Variants in SGO1 observed in about 807,000 individuals in gnomAD.
The protein encoded by SGO1 is serologically defined breast cancer antigen NY-BR-85.
In SGO1, 39 loss-of-function variants were observed where a neutral mutation model predicts 50.5. The ratio of observed to expected loss-of-function variants is 0.77; its 90% CI spans 0.60 to 1.01. The LOEUF (loss-of-function observed/expected upper bound fraction) is 1.01, where lower values mean the gene tolerates loss of function less well. Ranked by LOEUF, SGO1 falls within the 50% of genes least tolerant of loss-of-function variation. The pLI is 0.00. For missense variants in SGO1, 638 were observed against 606.0 expected (o/e 1.05, Z -0.55); for synonymous variants, 191 against 205.1 (o/e 0.93, Z 0.59).
downstream of SGO1, among the ~76,000 whole-genome samples, chr3:20,167,465 A>C (rs1002592449): frequency 1.3e-5 from 2 of 152,186 alleles, no homozygotes; most frequent in African/African-American, 2.4e-5. Flanking sequence ...AATAGTGTGT[A>C]GACTATATAA....
chr3:20,166,413 T>C (rs76315194), downstream of SGO1, among the ~76,000 whole-genome samples: 6,053 of 152,214 alleles, frequency 0.04, 203 homozygotes, highest in East Asian at 0.15. Context: ...TAAAAAGGAA[T>C]AAAATTTTGA....
downstream of SGO1, chr3:20,169,445 C>T (rs1397430616): frequency 2.0e-6 from 2 of 983,870 alleles, no homozygotes; most frequent in African/African-American, 3.5e-5. Context: ...GAGAGATACT[C>T]TATTTTTGAT....
chr3:20,175,038 G>GAAT lies in SGO1; in HGVS notation c.490_492dup (p.Ile164dup), dbSNP rs759428338. On this transcript the variant is annotated inframe_insertion, in exon 6 of 8. Transcript: ENST00000412997. ...AAATCAACTCCCAGTGTGTCTTGAG[G>GAAT]AATAGTAGGTATCTGATCTGAGAAT... 2 of 1,543,666 alleles carry GAAT rather than the reference G, an allele frequency of 1.3e-6. No individual in the cohort carries two copies. Among genetic ancestry groups the GAAT allele is most frequent in the Admixed American group, 4.1e-5 (2 of 49,148 alleles).
chr3:20,186,453 C>A (rs1041783788), upstream of SGO1: 2 of 152,140 alleles, frequency 1.3e-5, no homozygotes, highest in Non-Finnish European at 2.9e-5. Flanking sequence ...TACTCCGAAA[C>A]CTTTAAGGCC....
intron 8 of SGO1, among the ~76,000 whole-genome samples, chr3:20,161,513 A>G (rs1364497709): frequency 6.6e-6 from 1 of 152,212 alleles, no homozygotes; most frequent in Non-Finnish European, 1.5e-5. Flanking sequence ...ATGATATGGA[A>G]AGAATGTAGC....
chr3:20,165,038 A>C (rs533065457), downstream of SGO1, among the ~76,000 whole-genome samples: 4 of 152,346 alleles, frequency 2.6e-5, no homozygotes, highest in African/African-American at 9.6e-5. Flanking sequence ...TTGTGTTGCT[A>C]TAAAGGAATA....
chr3:20,183,008 A>G (rs539601586), intron 3 of SGO1, among the ~76,000 whole-genome samples: 1 of 151,928 alleles, frequency 6.6e-6, no homozygotes, highest in South Asian at 2.1e-4. Context: ...ACTGAGGGAG[A>G]CGCCGTCTCA....
chr3:20,169,117 T>G (rs1317679157), downstream of SGO1: 6 of 984,972 alleles, frequency 6.1e-6, no homozygotes, highest in Non-Finnish European at 7.2e-6. Flanking sequence ...AAATTTGGGA[T>G]GATGAAAAGG....
At chr3:20,185,560 C>T (rs1375522780) in intron 1 of SGO1, among the ~76,000 whole-genome samples, 1 of 152,092 alleles carries the variant, frequency 6.6e-6, no homozygotes, top group African/African-American at 2.4e-5. Context: ...TCCAATTAGT[C>T]CTGCTGCGAA....
At chr3:20,178,721 A>G (rs1304598289) in intron 3 of SGO1, among the ~76,000 whole-genome samples, 2 of 152,238 alleles carry the variant, frequency 1.3e-5, no homozygotes, top group Non-Finnish European at 2.9e-5. Flanking sequence ...GGAGGAAAAG[A>G]AGGCAGTGGA....
upstream of SGO1, among the ~76,000 whole-genome samples, chr3:20,186,870 G>C (rs895422998): frequency 3.9e-5 from 6 of 152,072 alleles, no homozygotes; most frequent in African/African-American, 1.2e-4. Context: ...TGCTTTCCAA[G>C]TTTCTCTCAT....
At chr3:20,171,373 G>T in intron 6 of SGO1, 141 bp from the exon 7 acceptor site, 1 of 609,824 alleles carries the variant, frequency 1.6e-6, no homozygotes, top group Non-Finnish European at 2.6e-6. Context: ...GGCTCTCACT[G>T]TGTTGCCCAG....
chr3:20,172,490 A>G (rs1405873557), intron 6 of SGO1, among the ~76,000 whole-genome samples: 1 of 134,874 alleles, frequency 7.4e-6, no homozygotes, highest in Admixed American at 7.6e-5. Context: ...AACAAGAGTG[A>G]AACTCTGTTT....
chr3:20,171,259 A>G (rs1235701377), intron 6 of SGO1, 27 bp from the exon 7 acceptor site: 10 of 1,509,322 alleles, frequency 6.6e-6, no homozygotes, highest in Non-Finnish European at 8.8e-6. Context: ...ACTGAATATG[A>G]TTTAAAAAAA....
At chr3:20,160,860 G>GACACA (rs1700003210) in exon 9 of SGO1, 1 of 313,880 alleles carries the variant, frequency 3.2e-6, no homozygotes, top group Admixed American at 4.6e-5. Context: ...ATCTCCAAGT[G>GACACA]ACACAACCAA....
chr3:20,170,078 T>A lies in SGO1; in HGVS notation c.*626A>T. ...TTATAATTAAAAGATCTTATTTGAGTAATCATTATTCATTTCTACAATGTT... is the reference window on the plus strand; with the variant it reads ...TTATAATTAAAAGATCTTATTTGAGAAATCATTATTCATTTCTACAATGTT... On this transcript the variant is annotated 3_prime_UTR_variant, in exon 8 of 8. Transcript: ENST00000412997. The A allele has an allele frequency of 1.0e-6, 1 of 985,270 alleles. No individual in the cohort carries two copies. Among genetic ancestry groups the A allele is most frequent in the Non-Finnish European group, 1.2e-6 (1 of 829,786 alleles). 61.0% of individuals were successfully genotyped at this position (985,270 alleles called of 1,614,324 possible). A position where few individuals can be genotyped will look rare whatever the true frequency, so the allele number is the denominator to read the frequency against.
intron 3 of SGO1, among the ~76,000 whole-genome samples, chr3:20,179,741 G>A (rs1371203120): frequency 6.6e-6 from 1 of 152,106 alleles, no homozygotes; most frequent in Admixed American, 6.6e-5. Context: ...TAAAATGCCT[G>A]ACATTTACAG....
At position 20,174,275 on chromosome 3, in the gene SGO1, C is replaced by A. The variant is rs753677560; in HGVS notation, c.1256G>T (p.Gly419Val). The A allele has an allele frequency of 2.6e-5, 42 of 1,613,914 alleles. No homozygotes were observed. Among genetic ancestry groups the A allele is most frequent in the South Asian group, 8.8e-5 (8 of 91,074 alleles). ...GGTAGGAGTTTTTGTTGGCTTAGAA[C>A]CCTCCGTCTCTTTTTCATCTGTGTA... ...LKYTDEKETE[G>V]SKPTKTPTTT... The change falls in exon 6 of 8, where the codon GGT (glycine) becomes GTT (valine). Residue 419 changes from glycine to valine, a missense_variant. By Grantham distance (109) the Gly-to-Val change is moderately radical. Coordinates refer to ENST00000412997, the MANE Select transcript of SGO1 (RefSeq NM_001199251.3).
downstream of SGO1, among the ~76,000 whole-genome samples, chr3:20,168,111 C>T (rs1700397843): frequency 6.6e-6 from 1 of 151,948 alleles, no homozygotes; most frequent in African/African-American, 2.4e-5. Flanking sequence ...AGCCTATGAA[C>T]AAATATGACA....
Sources: allele counts gnomAD v4.1 joint callset (sites outside exome capture counted in the v4.1 genomes callset), GRCh38; gene constraint gnomAD v4.1.1; transcripts MANE v1.5; gene names NCBI Gene and HGNC (gene_info 2026-07-23, HGNC 2026-07-21).